Variants in MUC5AC observed in about 807,000 individuals in gnomAD.
MUC5AC encodes mucin-5AC.
A neutral mutation model predicts 169.7 loss-of-function variants in MUC5AC; 158 were observed. The observed-to-expected ratio is 0.93, with a 90% CI of 0.82 to 1.06. MUC5AC has a LOEUF of 1.06. Ranked by LOEUF, MUC5AC falls within the 50% of genes least tolerant of loss-of-function variation. The pLI is 0.00. For missense variants in MUC5AC, 4,359 were observed against 3,089.9 expected (o/e 1.41, Z -9.74); for synonymous variants, 1,975 against 1,237.0 (o/e 1.60, Z -12.52).
rs1465577007 is a variant in MUC5AC at position 1,190,162 on chromosome 11, G to C, written c.12017G>C (p.Ser4006Thr). The change falls in exon 31 of 49, where the codon AGC becomes ACC. Residue 4006 changes from serine to threonine, a missense_variant. Transcript: ENST00000621226. Reference sequence around the variant, plus strand: ...ACCAGGCTCCAGTGCCGAGCCGAGAGCCACCCGGAGGTGAGCATCGAACAC... The same window carrying C: ...ACCAGGCTCCAGTGCCGAGCCGAGACCCACCCGGAGGTGAGCATCGAACAC... Reference protein sequence around the residue: ...EITRLQCRAESHPEVSIEHLG... With the variant: ...EITRLQCRAETHPEVSIEHLG... 1.3e-6 allele frequency: 1 copy of C among 764,644 alleles called. No homozygotes were observed. The highest frequency in any genetic ancestry group is 2.4e-6 in the Non-Finnish European group (1 of 417,750). 47.4% of individuals were successfully genotyped at this position (764,644 alleles called of 1,614,324 possible).
At position 1,178,571 on chromosome 11, in the gene MUC5AC, C is replaced by A; in HGVS notation, c.3215C>A (p.Pro1072Gln). The A allele has an allele frequency of 1.4e-6, 2 of 1,406,058 alleles. No homozygotes were observed. Among genetic ancestry groups the A allele is most frequent in the East Asian group, 2.7e-5 (1 of 36,534 alleles). 87.1% of individuals were successfully genotyped at this position (1,406,058 alleles called of 1,614,324 possible). A position where few individuals can be genotyped will look rare whatever the true frequency, so the allele number is the denominator to read the frequency against. ...AGCTGGAAGCTCTCCCCCTCCTGCC[C>A]AGATGCCCTGGCGCCCAAGGACCCC... ...GNSWKLSPSCPDALAPKDPCT... is the reference protein window; with the variant it reads ...GNSWKLSPSCQDALAPKDPCT... Residue 1072 changes from proline (P) to glutamine (Q), a missense_variant, in exon 25 of 49, where the codon CCA becomes CAA. Physicochemically the swap from Pro to Gln is moderately conservative, Grantham distance 76. Transcript: ENST00000621226.
At chr11:1,177,926 G>A (rs1229137437) in intron 24 of MUC5AC, among the ~76,000 whole-genome samples, 2 of 30 alleles carry the variant, frequency 0.067, no homozygotes, top group Admixed American at 0.33. Context: ...CTTTCAGAAG[G>A]CTCTGGGGGG....
intron 15 of MUC5AC, among the ~76,000 whole-genome samples, chr11:1,169,863 C>T (rs1438265562): frequency 7.1e-6 from 1 of 140,580 alleles, no homozygotes; most frequent in Non-Finnish European, 1.6e-5. Context: ...CTCACCCATT[C>T]ACCCACTCAC....
In MUC5AC at chr11:1,188,916, G is replaced by A. The variant is rs1451732701; in HGVS notation, c.10771G>A (p.Glu3591Lys). The change falls in exon 31 of 49, where the codon GAA becomes AAA. Residue 3591 changes from glutamate to lysine, a missense_variant. Coordinates refer to ENST00000621226, the MANE Select transcript of MUC5AC (RefSeq NM_001304359.2). Reference sequence around the variant, plus strand: ...GGGCCAGGTGGTGCAGTGCAGCCGCGAAGAGGGCCTGGTGTGCCGGAACCA... The same window carrying A: ...GGGCCAGGTGGTGCAGTGCAGCCGCAAAGAGGGCCTGGTGTGCCGGAACCA... ...HLGQVVQCSR[E>K]EGLVCRNQDQ... 7.3e-5 allele frequency: 55 copies of A among 757,152 alleles called. No individual in the cohort carries two copies. The highest frequency in any genetic ancestry group is 6.8e-4 in the East Asian group (28 of 41,174). The allele number at this position is 757,152 out of a possible 1,614,324, so 46.9% of individuals were successfully genotyped here.
At chr11:1,170,191 T>C (rs1451489580) in intron 15 of MUC5AC, among the ~76,000 whole-genome samples, 1 of 27,712 alleles carries the variant, frequency 3.6e-5, no homozygotes, top group Admixed American at 3.1e-4. Context: ...ATTCACCCAT[T>C]CACTCACTCA....
chr11:1,160,334 T>C (rs1860101450), intron 1 of MUC5AC, among the ~76,000 whole-genome samples: 1 of 151,912 alleles, frequency 6.6e-6, no homozygotes, highest in Non-Finnish European at 1.5e-5. Flanking sequence ...AATGAATAGA[T>C]AGGGATGCCA....
In MUC5AC at chr11:1,186,907, C is replaced by A. The variant is rs1395025943; in HGVS notation, c.8762C>A (p.Thr2921Lys). ...APTTSTTSAPTSSTTSATTTS... is the reference protein window; with the variant it reads ...APTTSTTSAPKSSTTSATTTS... ...ACAACCAGCACAACCTCTGCCCCTACAAGCAGCACAACCTCAGCTACTACA... is the reference window on the plus strand; with the variant it reads ...ACAACCAGCACAACCTCTGCCCCTAAAAGCAGCACAACCTCAGCTACTACA... The change falls in exon 31 of 49, where the codon ACA becomes AAA. Residue 2921 changes from threonine to lysine, a missense_variant. Coordinates refer to ENST00000621226, the MANE Select transcript of MUC5AC (RefSeq NM_001304359.2). 14 of 719,198 alleles carry A rather than the reference C, an allele frequency of 1.9e-5. No individual in the cohort carries two copies. The South Asian group carries it at 2.0e-4, about 10-fold the overall frequency. The allele number at this position is 719,198 out of a possible 1,614,324, so 44.6% of individuals were successfully genotyped here.
At chr11:1,159,174 G>A (rs1860050102) in intron 1 of MUC5AC, among the ~76,000 whole-genome samples, 1 of 152,208 alleles carries the variant, frequency 6.6e-6, no homozygotes, top group African/African-American at 2.4e-5. Flanking sequence ...GATGCAGTGG[G>A]CCCCACTGGG....
intron 5 of MUC5AC, 44 bp from the exon 6 acceptor site, chr11:1,162,911 C>G (rs1182286730): frequency 1.3e-6 from 2 of 1,564,056 alleles, no homozygotes; most frequent in African/African-American, 2.7e-5. Flanking sequence ...ATCTGTCCAT[C>G]TGCCCCTGGT....
chr11:1,159,686 TCTGTGCGGGG>T, intron 1 of MUC5AC, among the ~76,000 whole-genome samples: 1 of 96,962 alleles, frequency 1.0e-5, no homozygotes, highest in African/African-American at 4.0e-5. Context: ...CCATGCTGGT[TCTGTGCGGGG>T]CTGTGTGGGG....
chr11:1,178,974 G>T (rs1261142981), intron 25 of MUC5AC, 118 bp from the exon 26 acceptor site: 2 of 355,900 alleles, frequency 5.6e-6, no homozygotes, highest in East Asian at 8.4e-5. Context: ...ATGGGCATTC[G>T]CCCTCCCTGA....
At chr11:1,172,321 G>A (rs922950214) in intron 15 of MUC5AC, 108 bp from the exon 16 acceptor site, 3 of 398,070 alleles carry the variant, frequency 7.5e-6, no homozygotes, top group Non-Finnish European at 1.3e-5. Flanking sequence ...CCCAACATCA[G>A]ACTGCCCAGA....
chr11:1,157,960 G>A lies in MUC5AC; in HGVS notation c.-40G>A. On this transcript the variant is annotated 5_prime_UTR_variant, in exon 1 of 49. Coordinates refer to ENST00000621226, the MANE Select transcript of MUC5AC (RefSeq NM_001304359.2). The stretch of plus-strand genomic sequence containing the variant: ...TGCCACCTTGGGTCCCTCCTCAGAG[G>A]CTGCTGAGGGACAGGGCACTCTTCC... 2 of 1,560,092 alleles carry A rather than the reference G, an allele frequency of 1.3e-6. No homozygotes were observed. The highest frequency in any genetic ancestry group is 1.7e-6 in the Non-Finnish European group (2 of 1,152,560).
chr11:1,165,922 A>G (rs1417735531), intron 11 of MUC5AC, among the ~76,000 whole-genome samples, 162 bp downstream of exon 11: 4 of 152,124 alleles, frequency 2.6e-5, no homozygotes, highest in African/African-American at 4.8e-5. Context: ...CCCCAGCGCT[A>G]GTCCTCACAG....
chr11:1,191,831 C>T lies in MUC5AC; in HGVS notation c.13686C>T (p.Thr4562=), dbSNP rs796175402. The T allele has an allele frequency of 3.9e-6, 3 of 762,954 alleles. No homozygotes were observed. Among genetic ancestry groups the T allele is most frequent in the South Asian group, 1.4e-5 (1 of 73,340 alleles). The allele number at this position is 762,954 out of a possible 1,614,324, so 47.3% of individuals were successfully genotyped here. ...CCTCTGCTCCTACAACTAGCACAACCTCTGGTCCTGGAACTACTCCCAGCC... is the reference window on the plus strand; with the variant it reads ...CCTCTGCTCCTACAACTAGCACAACTTCTGGTCCTGGAACTACTCCCAGCC... ...STTSAPTTST[T]SGPGTTPSPV... is the part of the protein sequence containing the mutation. Residue 4562 remains threonine (T), a synonymous_variant, in exon 31 of 49, where the codon ACC becomes ACT. Coordinates refer to ENST00000621226, the MANE Select transcript of MUC5AC (RefSeq NM_001304359.2).
rs768232028 is a variant in MUC5AC, at chr11:1,163,907, C to A, written c.705C>A (p.Phe235Leu). The change falls in exon 7 of 49, where the codon TTC becomes TTA. Residue 235 changes from phenylalanine to leucine, a missense_variant. Coordinates refer to ENST00000621226, the MANE Select transcript of MUC5AC (RefSeq NM_001304359.2). ...ACACCAAGCTGACACCCATGGAATT[C>A]GGGAACCTGCAGAAGATGGACGACC... Reference protein sequence around the residue: ...SHNTKLTPMEFGNLQKMDDPT... With the variant: ...SHNTKLTPMELGNLQKMDDPT... The A allele has an allele frequency of 6.2e-7, 1 of 1,610,072 alleles. No individual in the cohort carries two copies. Among genetic ancestry groups the A allele is most frequent in the Non-Finnish European group, 8.5e-7 (1 of 1,178,870 alleles).
chr11:1,192,423 G>T lies in MUC5AC; in HGVS notation c.14278G>T (p.Val4760Leu), dbSNP rs374724880. 2 of 765,038 alleles carry T rather than the reference G, an allele frequency of 2.6e-6. No individual in the cohort carries two copies. The highest frequency in any genetic ancestry group is 3.4e-5 in the Admixed American group (2 of 59,028). 47.4% of individuals were successfully genotyped at this position (765,038 alleles called of 1,614,324 possible). Residue 4760 changes from valine to leucine, a missense_variant, in exon 31 of 49, where the codon GTG becomes TTG. Physicochemically the swap from Val to Leu is conservative, Grantham distance 32 (BLOSUM62 1). Coordinates refer to ENST00000621226, the MANE Select transcript of MUC5AC (RefSeq NM_001304359.2). ...GTCTACTTCCATGGTATCCGCCTCC[G>T]TGGCATCCACCTCTGTGGCATCCAG... ...SLSTSMVSAS[V>L]ASTSVASSSV...
chr11:1,188,522 A>C lies in MUC5AC; in HGVS notation c.10377A>C (p.Thr3459=), dbSNP rs1861009876. 1 of 736,516 alleles carries C rather than the reference A, an allele frequency of 1.4e-6. No individual in the cohort carries two copies. Among genetic ancestry groups the C allele is most frequent in the South Asian group, 1.4e-5 (1 of 70,998 alleles). The allele number at this position is 736,516 out of a possible 1,614,324, so 45.6% of individuals were successfully genotyped here. ...ATTTSTTSAP[T]SSTTSTPQTS... Reference sequence around the variant, plus strand: ...CAACCAGCACAACCTCTGCCCCTACAAGCAGCACAACCTCCACTCCACAGA... The same window carrying C: ...CAACCAGCACAACCTCTGCCCCTACCAGCAGCACAACCTCCACTCCACAGA... The change falls in exon 31 of 49, where the codon ACA becomes ACC. Residue 3459 remains threonine (T), a synonymous_variant. Transcript: ENST00000621226.
At chr11:1,165,443 C>A (rs751488604) in intron 10 of MUC5AC, 24 bp downstream of exon 10, 22 of 1,385,846 alleles carry the variant, frequency 1.6e-5, no homozygotes, top group Non-Finnish European at 2.0e-5. Context: ...CCCCTCCAGG[C>A]CACCAAGGAT....
Sources: gnomAD v4.1 joint callset for allele counts (sites outside exome capture counted in the v4.1 genomes callset) on GRCh38, gnomAD v4.1.1 for gene constraint, MANE v1.5 for transcripts, NCBI Gene and HGNC (gene_info 2026-07-23, HGNC 2026-07-21) for gene names.